The following TMEM184B variants were observed in gnomAD, a reference collection of about 807,000 sequenced individuals.
TMEM184B encodes putative MAPK-activating protein FM08.
A neutral mutation model predicts 41.8 loss-of-function variants in TMEM184B; 17 were observed. The observed-to-expected ratio is 0.41, with a 90% confidence interval of 0.28 to 0.61. The LOEUF is 0.61. Among genes scored for constraint, TMEM184B ranks in the 20% least tolerant of loss-of-function variants. The probability of loss-of-function intolerance (pLI) is 0.34; values close to 1 mark genes in which losing one functional copy is unlikely to be tolerated. For missense variants in TMEM184B, 393 were observed against 557.8 expected, an observed-to-expected ratio of 0.70 and a Z score of 2.98; for synonymous variants, 240 against 229.5, an observed-to-expected ratio of 1.05 and a Z score of -0.41.
At chr22:38,222,698 AG>A (rs1376587417) in intron 8 of TMEM184B, 14 of 985,572 alleles carry the variant, frequency 1.4e-5, no homozygotes, top group Non-Finnish European at 1.7e-5. Flanking sequence ...AAGCAGGGCA[AG>A]GGGGGCGGGG....
At position 38,220,101 on chromosome 22, in the gene TMEM184B, C is replaced by A. The variant is rs1165526283; in HGVS notation, c.*1368G>T. 7 of 985,346 alleles carry A rather than the reference C, an allele frequency of 7.1e-6. No individual in the cohort carries two copies. Among genetic ancestry groups the A allele is most frequent in the Non-Finnish European group, 7.2e-6 (6 of 829,956 alleles). The allele number at this position is 985,346 out of a possible 1,614,324, so 61.0% of individuals were successfully genotyped here. ...CCAGGGATAATCTGGGTTTTAAATGCCAGGACACTTTGCCTGTAGGGACAC... is the reference window on the plus strand; with the variant it reads ...CCAGGGATAATCTGGGTTTTAAATGACAGGACACTTTGCCTGTAGGGACAC... On this transcript the variant is annotated 3_prime_UTR_variant, in exon 9 of 9. Transcript: ENST00000361906.
downstream of TMEM184B, among the ~76,000 whole-genome samples, chr22:38,216,988 G>C (rs1247907864): frequency 6.6e-6 from 1 of 151,768 alleles, no homozygotes; most frequent in East Asian, 1.9e-4. Context: ...TTTGAGACCA[G>C]GCTGGGCAAC....
Position 38,221,563 on chromosome 22 carries a change from C to T in TMEM184B, c.1130G>A (p.Arg377His), listed in dbSNP as rs150283064. 4,249 of 1,613,994 alleles carry T rather than the reference C, an allele frequency of 2.6e-3. 8 individuals carry two copies. The highest frequency in any genetic ancestry group is 3.3e-3 in the Non-Finnish European group (3,851 of 1,179,972). ...QSTLEPGPTWRGGAHGLSRSH... is the reference protein window; with the variant it reads ...QSTLEPGPTWHGGAHGLSRSH... ...GCGGGAGAGGCCGTGGGCGCCACCA[C>T]GCCAGGTGGGCCCAGGCTCCAGGGT... The change falls in exon 9 of 9, where the codon CGT (arginine) becomes CAT (histidine). Residue 377 changes from arginine to histidine, a missense_variant. Physicochemically the swap from Arg to His is conservative, Grantham distance 29. Transcript: ENST00000361906.
intron 5 of TMEM184B, among the ~76,000 whole-genome samples, chr22:38,228,859 C>T (rs1316494918): frequency 6.6e-6 from 1 of 152,238 alleles, no homozygotes; most frequent in Non-Finnish European, 1.5e-5. Context: ...AGCTAACAAT[C>T]ATGAAATCAA....
chr22:38,250,300 T>A (rs1391780736), intron 1 of TMEM184B, among the ~76,000 whole-genome samples: 1 of 152,234 alleles, frequency 6.6e-6, no homozygotes, highest in Non-Finnish European at 1.5e-5. Flanking sequence ...TGTCGGCTCT[T>A]AGCTGTAAGT....
rs1484803461 is a variant in TMEM184B at position 38,221,093 on chromosome 22, C to T, written c.*376G>A. ...GGAGCCACGGCTTGCCGACCTCAGCCTGAGAGTCTCGCGGGGAGGAGGGGC... is the reference window on the plus strand; with the variant it reads ...GGAGCCACGGCTTGCCGACCTCAGCTTGAGAGTCTCGCGGGGAGGAGGGGC... On this transcript the variant is annotated 3_prime_UTR_variant, in exon 9 of 9. Coordinates refer to ENST00000361906, the MANE Select transcript of TMEM184B (RefSeq NM_012264.5). 11 of 1,079,198 alleles carry T rather than the reference C, an allele frequency of 1.0e-5. No homozygotes were observed. The highest frequency in any genetic ancestry group is 1.7e-5 in the African/African-American group (1 of 59,982). 66.9% of individuals were successfully genotyped at this position (1,079,198 alleles called of 1,614,324 possible).
intron 1 of TMEM184B, among the ~76,000 whole-genome samples, chr22:38,250,938 G>A (rs1346534506): frequency 2.0e-5 from 3 of 152,180 alleles, no homozygotes; most frequent in African/African-American, 7.2e-5. Flanking sequence ...AATGCACCCA[G>A]AGATGTGAGT....
intron 1 of TMEM184B, among the ~76,000 whole-genome samples, chr22:38,269,403 A>G (rs751017148): frequency 7.2e-5 from 11 of 152,020 alleles, no homozygotes; most frequent in Non-Finnish European, 1.2e-4. Context: ...TTTAGTAGAG[A>G]CTGGGTTTCA....
In TMEM184B at chr22:38,231,267, C is replaced by T. The variant is rs780169789; in HGVS notation, c.426G>A (p.Ser142=). The T allele has an allele frequency of 1.1e-5, 17 of 1,613,922 alleles. No homozygotes were observed. Among genetic ancestry groups the T allele is most frequent in the Middle Eastern group, 1.6e-4 (1 of 6,084 alleles). ...EYLGGESSIM[S]EIRGKPIESS... ...ACTCAATGGGTTTTCCTCTGATCTC[C>T]GACATGATGGAACTTTCTCCTCCTA... Residue 142 remains serine, a synonymous_variant, in exon 4 of 9, where the codon TCG becomes TCA. Coordinates refer to ENST00000361906, the MANE Select transcript of TMEM184B (RefSeq NM_012264.5).
intron 5 of TMEM184B, among the ~76,000 whole-genome samples, chr22:38,229,701 G>A (rs1306877305): frequency 5.4e-5 from 5 of 91,768 alleles, no homozygotes; most frequent in African/African-American, 2.6e-4. Context: ...ACCACAGGGA[G>A]GCCAGCCCAG....
intron 3 of TMEM184B, 26 bp from the exon 4 acceptor site, chr22:38,231,360 C>T: frequency 6.3e-7 from 1 of 1,586,466 alleles, no homozygotes; most frequent in Non-Finnish European, 8.7e-7. Context: ...CCAGGAGAAA[C>T]CAGTCAAATC....
chr22:38,227,203 A>T (rs2091470745), intron 5 of TMEM184B, among the ~76,000 whole-genome samples: 1 of 151,824 alleles, frequency 6.6e-6, no homozygotes. Context: ...GGAGGAAGGG[A>T]GGAATGGTGT....
chr22:38,269,347 A>G (rs976996327), intron 1 of TMEM184B, among the ~76,000 whole-genome samples: 1 of 152,158 alleles, frequency 6.6e-6, no homozygotes, highest in African/African-American at 2.4e-5. Flanking sequence ...TAGCCTCCCA[A>G]GTAGCTGGGA....
intron 1 of TMEM184B, among the ~76,000 whole-genome samples, chr22:38,264,276 G>A (rs943179743): frequency 3.3e-5 from 5 of 152,174 alleles, no homozygotes; most frequent in African/African-American, 7.2e-5. Context: ...AGGCCCACTT[G>A]GCCCCTTGAC....
chr22:38,250,793 G>A (rs1291738044), intron 1 of TMEM184B, among the ~76,000 whole-genome samples: 4 of 152,204 alleles, frequency 2.6e-5, no homozygotes, highest in African/African-American at 7.2e-5. Context: ...GAGCAGACCC[G>A]AGCCAGGGCT....
intron 1 of TMEM184B, among the ~76,000 whole-genome samples, chr22:38,257,956 C>T (rs2092309761): frequency 1.3e-5 from 2 of 152,190 alleles, no homozygotes; most frequent in Admixed American, 1.3e-4. Context: ...CCAGACAAGG[C>T]CCCCTGGCTC....
Position 38,224,960 on chromosome 22 carries a change from C to T in TMEM184B, c.807G>A (p.Leu269=). ...SFWQGMLLAI[L]EKCGAIPKIH... is the part of the protein sequence containing the mutation. ...TTTTGGGGATGGCCCCACACTTCTCCAGGATGGCCAGGAGCATGCCTGGAT... is the reference window on the plus strand; with the variant it reads ...TTTTGGGGATGGCCCCACACTTCTCTAGGATGGCCAGGAGCATGCCTGGAT... Residue 269 remains leucine, a synonymous_variant, in exon 8 of 9, where the codon CTG becomes CTA. Coordinates refer to ENST00000361906, the MANE Select transcript of TMEM184B (RefSeq NM_012264.5). 1 of 1,579,942 alleles carries T rather than the reference C, an allele frequency of 6.3e-7. No homozygotes were observed. The highest frequency in any genetic ancestry group is 8.6e-7 in the Non-Finnish European group (1 of 1,162,372).
chr22:38,260,828 G>A (rs922237883), intron 1 of TMEM184B, among the ~76,000 whole-genome samples: 1 of 152,162 alleles, frequency 6.6e-6, no homozygotes, highest in Non-Finnish European at 1.5e-5. Flanking sequence ...TAAATCTTCT[G>A]AGGTCATATT....
In TMEM184B at chr22:38,272,391, G is replaced by T. The variant is rs2092538166; in HGVS notation, c.-59+493C>A. On this transcript the variant is annotated intron_variant, in intron 1 of 8. Transcript: ENST00000361906. The stretch of plus-strand genomic sequence containing the variant: ...CCCTTCCAAACCTGCGGACCTGTGT[G>T]GCGGGCGTGTACACCCTCCACTCAC... 7.3e-6 allele frequency: 6 copies of T among 819,636 alleles called. No homozygotes were observed. The South Asian group carries it at 3.3e-4, about 46-fold the overall frequency. The allele number at this position is 819,636 out of a possible 1,614,324, so 50.8% of individuals were successfully genotyped here.
Sources: gnomAD v4.1 joint callset for allele counts (sites outside exome capture counted in the v4.1 genomes callset) on GRCh38, gnomAD v4.1.1 for gene constraint, MANE v1.5 for transcripts, NCBI Gene and HGNC (gene_info 2026-07-23, HGNC 2026-07-21) for gene names.